WWOX: variants seen among roughly 807,000 people sequenced by gnomAD.
The protein encoded by WWOX is WW domain containing oxidoreductase, also known as WW domain-containing oxidoreductase.
WWOX carries 69 observed loss-of-function variants against 46.2 expected under a neutral mutation model. The ratio of observed to expected loss-of-function variants is 1.49; its 90% CI spans 1.23 to 1.82. The LOEUF (loss-of-function observed/expected upper bound fraction) is 1.82, where lower values mean the gene tolerates loss of function less well. WWOX is among the 40% of genes most tolerant of loss of function. The pLI, the probability that WWOX is intolerant of heterozygous loss-of-function variation, is 0.00. For synonymous variants in WWOX, 359 were observed against 202.6 expected, an observed-to-expected ratio of 1.77 and a Z score of -6.56; for missense variants, 919 against 542.6, an observed-to-expected ratio of 1.69 and a Z score of -6.89.
chr16:78,701,555 T>A (rs2048218136), intron 8 of WWOX, among the ~76,000 whole-genome samples: 1 of 152,046 alleles, frequency 6.6e-6, no homozygotes. Flanking sequence ...TTTTCTCTTT[T>A]TCCCAGCCTC....
At chr16:78,617,875 A>G (rs888682730) in intron 8 of WWOX, among the ~76,000 whole-genome samples, 2 of 152,208 alleles carry the variant, frequency 1.3e-5, no homozygotes, top group Non-Finnish European at 2.9e-5. Context: ...TCAAAATATG[A>G]ATCTATCTTT....
At chr16:79,055,881 A>G (rs748951089) in intron 8 of WWOX, among the ~76,000 whole-genome samples, 7 of 152,142 alleles carry the variant, frequency 4.6e-5, no homozygotes, top group African/African-American at 1.7e-4. Context: ...TCTTCTCTTT[A>G]TGGATTTCCC....
chr16:78,673,217 G>C (rs556274896), intron 8 of WWOX, among the ~76,000 whole-genome samples: 1 of 152,294 alleles, frequency 6.6e-6, no homozygotes, highest in Non-Finnish European at 1.5e-5. Context: ...AATAAAACAG[G>C]AATTTTCAGA....
At chr16:78,500,801 C>T (rs1301818545) in intron 8 of WWOX, among the ~76,000 whole-genome samples, 1 of 152,182 alleles carries the variant, frequency 6.6e-6, no homozygotes, top group South Asian at 2.1e-4. Flanking sequence ...CCAAAATTGT[C>T]ATTGATCAGT....
chr16:79,010,866 G>A (rs983623505), intron 8 of WWOX, among the ~76,000 whole-genome samples: 1 of 152,024 alleles, frequency 6.6e-6, no homozygotes, highest in African/African-American at 2.4e-5. Context: ...GAGGAGTGCG[G>A]GAGATGGGAA....
At chr16:78,708,852 G>C (rs571366933) in intron 8 of WWOX, among the ~76,000 whole-genome samples, 2 of 152,200 alleles carry the variant, frequency 1.3e-5, no homozygotes, top group African/African-American at 4.8e-5. Flanking sequence ...CCAGCAAAGG[G>C]CTTGTATGCA....
chr16:78,613,603 C>T lies in WWOX; in HGVS notation c.1056+180851C>T, dbSNP rs116600813. On this transcript the variant is annotated intron_variant, in intron 8 of 8. Transcript: ENST00000566780. ...CCACTGGTTCAACACACCTGAATTC[C>T]GGATTCAAGATGCAATCACCACTAC... is the stretch of plus-strand genomic sequence containing the variant. 2.7e-3 allele frequency among the ~76,000 whole-genome samples: 415 copies of T among 152,264 alleles called. 2 individuals carry two copies. The highest frequency in any genetic ancestry group is 9.3e-3 in the African/African-American group (388 of 41,550).
intron 8 of WWOX, among the ~76,000 whole-genome samples, chr16:78,659,800 C>T (rs911147691): frequency 6.6e-6 from 1 of 152,128 alleles, no homozygotes; most frequent in Admixed American, 6.6e-5. Context: ...ACAGCATTTT[C>T]TTTTTTTACA....
At chr16:78,655,200 C>G (rs1269303764) in intron 8 of WWOX, among the ~76,000 whole-genome samples, 1 of 152,104 alleles carries the variant, frequency 6.6e-6, no homozygotes, top group Non-Finnish European at 1.5e-5. Context: ...AAACTGAGGT[C>G]TCACTCCCTT....
At chr16:79,057,328 A>G (rs1422254243) in intron 8 of WWOX, among the ~76,000 whole-genome samples, 1 of 152,210 alleles carries the variant, frequency 6.6e-6, no homozygotes, top group Non-Finnish European at 1.5e-5. Flanking sequence ...AGTGGACTAG[A>G]ATTTGGATGC....
At chr16:79,086,920 G>C (rs187660670) in intron 8 of WWOX, among the ~76,000 whole-genome samples, 127 of 152,158 alleles carry the variant, frequency 8.3e-4, no homozygotes, top group Non-Finnish European at 1.6e-3. Context: ...TGTTCAGTAA[G>C]AGCTGCAGTC....
At chr16:78,200,473 G>A (rs2036195907) in intron 5 of WWOX, among the ~76,000 whole-genome samples, 1 of 150,148 alleles carries the variant, frequency 6.7e-6, no homozygotes, top group Admixed American at 6.7e-5. Flanking sequence ...CATGTAAAAT[G>A]TTGTGAGGGC....
At chr16:78,574,417 CT>C (rs993694061) in intron 8 of WWOX, among the ~76,000 whole-genome samples, 13 of 152,220 alleles carry the variant, frequency 8.5e-5, no homozygotes, top group African/African-American at 3.1e-4. Context: ...CTTGAAGTAT[CT>C]TCTCTCCTCT....
intron 8 of WWOX, chr16:78,890,975 T>C (rs1007979667): frequency 6.6e-6 from 1 of 152,178 alleles, no homozygotes; most frequent in Admixed American, 6.5e-5. Flanking sequence ...AAAGGAAGCA[T>C]ACAGTGGGCC....
chr16:79,048,072 A>G (rs2048098931), intron 8 of WWOX, among the ~76,000 whole-genome samples: 1 of 152,160 alleles, frequency 6.6e-6, no homozygotes. Context: ...CACGTCTTCT[A>G]GGATATCAGG....
rs201434342 is a variant in WWOX at position 79,008,892 on chromosome 16, C to T, written c.1057-202716C>T. Among the ~76,000 whole-genome samples, 44 of 23,056 alleles carry T rather than the reference C, an allele frequency of 1.9e-3. No homozygotes were observed. The East Asian group carries it at 0.08, about 42-fold the overall frequency. The allele number at this position is 23,056 out of a possible 152,430, so 15.1% of individuals were successfully genotyped here. ...GGAGCCACGTGTGTATAATGAGCAG[C>T]GCACACACACAAAGGCGAGCTAAAA... On this transcript the variant is annotated intron_variant, in intron 8 of 8. Coordinates refer to ENST00000566780, the MANE Select transcript of WWOX (RefSeq NM_016373.4).
intron 8 of WWOX, among the ~76,000 whole-genome samples, chr16:78,968,163 ACAGCGCGTGGTCTGCG>A (rs1311469710): frequency 1.7e-4 from 25 of 151,478 alleles, no homozygotes; most frequent in South Asian, 4.2e-4. Flanking sequence ...TCCGCGTGGC[ACAGCGCGTGGTCTGCG>A]TGGCACAGTG....
intron 8 of WWOX, among the ~76,000 whole-genome samples, chr16:78,997,723 C>G (rs1472561368): frequency 1.3e-5 from 2 of 151,992 alleles, no homozygotes; most frequent in African/African-American, 4.8e-5. Context: ...TATTATTCCC[C>G]TAGAAGGAAA....
In WWOX at chr16:78,367,752, CT is replaced by C. The variant is rs555870901; in HGVS notation, c.517-19096del. On this transcript the variant is annotated intron_variant, in intron 5 of 8. Coordinates refer to ENST00000566780, the MANE Select transcript of WWOX (RefSeq NM_016373.4). ...ACTACCATCCCATTTGGGCCAACCTCTTTTTTTTTTTTCTTTTTGTTTCGAG... is the reference window on the plus strand; with the variant it reads ...ACTACCATCCCATTTGGGCCAACCTCTTTTTTTTTTTCTTTTTGTTTCGAG... Among the ~76,000 whole-genome samples the C allele has an allele frequency of 3.3e-3, 486 of 145,430 alleles. 8 individuals are homozygous for C. The East Asian group carries it at 0.052, about 16-fold the overall frequency.
Sources: allele counts gnomAD v4.1 joint callset (sites outside exome capture counted in the v4.1 genomes callset), GRCh38; gene constraint gnomAD v4.1.1; transcripts MANE v1.5; gene names NCBI Gene and HGNC (gene_info 2026-07-23, HGNC 2026-07-21).